SLC35D4: variants seen among roughly 807,000 people sequenced by gnomAD.
The protein encoded by SLC35D4 is UDP-N-acetylglucosamine transporter SLC35D4.
chr18:23,415,873 C>T, the SLC35D4 span, among the ~76,000 whole-genome samples: 1 of 152,082 alleles, frequency 6.6e-6, no homozygotes, highest in Non-Finnish European at 1.5e-5. Flanking sequence ...TATGTAGAGC[C>T]AATACTGGCA....
At chr18:23,292,431 G>A in the SLC35D4 span, among the ~76,000 whole-genome samples, 8 of 152,334 alleles carry the variant, frequency 5.3e-5, no homozygotes, top group South Asian at 1.2e-3. Context: ...ACCTGAGGGA[G>A]GAGGCTGGGG....
the SLC35D4 span, among the ~76,000 whole-genome samples, chr18:23,376,326 G>A: frequency 6.6e-6 from 1 of 152,204 alleles, no homozygotes; most frequent in African/African-American, 2.4e-5. Context: ...AGATGTCACT[G>A]TACCCAATGG....
At chr18:23,274,346 C>T in the SLC35D4 span, among the ~76,000 whole-genome samples, 1 of 152,190 alleles carries the variant, frequency 6.6e-6, no homozygotes, top group African/African-American at 2.4e-5. Context: ...GCTGTGGACT[C>T]CCTGATCGAG....
chr18:23,285,830 C>G, the SLC35D4 span, among the ~76,000 whole-genome samples: 875 of 152,282 alleles, frequency 5.7e-3, 4 homozygotes, highest in Middle Eastern at 0.014. Context: ...AGCCCTCCCC[C>G]ACCCGCCCAG....
chr18:23,299,493 A>C, the SLC35D4 span, among the ~76,000 whole-genome samples: 2 of 152,194 alleles, frequency 1.3e-5, no homozygotes, highest in Non-Finnish European at 2.9e-5. Context: ...CTCCATGGGC[A>C]TCTCACTTGT....
At chr18:23,337,222 C>T in the SLC35D4 span, among the ~76,000 whole-genome samples, 1 of 152,020 alleles carries the variant, frequency 6.6e-6, no homozygotes, top group Non-Finnish European at 1.5e-5. Flanking sequence ...GCCTGTAATC[C>T]CAGCACTTTG....
At chr18:23,293,628 A>G in the SLC35D4 span, among the ~76,000 whole-genome samples, 1 of 152,192 alleles carries the variant, frequency 6.6e-6, no homozygotes, top group Non-Finnish European at 1.5e-5. Context: ...CTCTATTTCA[A>G]GCTCAGTGGT....
chr18:23,289,493 T>C, the SLC35D4 span, among the ~76,000 whole-genome samples: 1 of 152,108 alleles, frequency 6.6e-6, no homozygotes, highest in South Asian at 2.1e-4. Flanking sequence ...CAGCTTAATC[T>C]CTCCCACTCT....
At chr18:23,395,866 C>T in the SLC35D4 span, among the ~76,000 whole-genome samples, 194 of 152,348 alleles carry the variant, frequency 1.3e-3, 1 homozygote, top group Non-Finnish European at 1.8e-3. Context: ...GTCCAACTCA[C>T]ACTTCATCAA....
the SLC35D4 span, among the ~76,000 whole-genome samples, chr18:23,427,170 G>T: frequency 3.9e-5 from 6 of 152,270 alleles, no homozygotes; most frequent in South Asian, 1.2e-3. Flanking sequence ...TGACAAATGG[G>T]ATCTGATTAA....
the SLC35D4 span, among the ~76,000 whole-genome samples, chr18:23,363,364 A>ATTTTTTTTTT: frequency 6.6e-5 from 6 of 90,460 alleles, no homozygotes; most frequent in African/African-American, 2.0e-4. Context: ...ACAAAAGCAC[A>ATTTTTTTTTT]TTTTTTTTTT....
the SLC35D4 span, among the ~76,000 whole-genome samples, chr18:23,369,262 A>C: frequency 6.6e-6 from 1 of 152,246 alleles, no homozygotes; most frequent in Non-Finnish European, 1.5e-5. Context: ...GAAGCCCCAC[A>C]TTCTCAGAGT....
At chr18:23,434,220 C>T in the SLC35D4 span, among the ~76,000 whole-genome samples, 1 of 152,162 alleles carries the variant, frequency 6.6e-6, no homozygotes, top group African/African-American at 2.4e-5. Flanking sequence ...CCTCCACTCT[C>T]GAGCTCACCT....
the SLC35D4 span, chr18:23,257,344 A>C: frequency 2.5e-6 from 4 of 1,610,834 alleles, no homozygotes; most frequent in South Asian, 1.1e-5. Context: ...GCCCCACTAC[A>C]GACGGCTGGT....
At chr18:23,345,026 T>A in the SLC35D4 span, among the ~76,000 whole-genome samples, 3 of 152,198 alleles carry the variant, frequency 2.0e-5, no homozygotes, top group Non-Finnish European at 2.9e-5. Context: ...CCCAAGGCCA[T>A]TAAGGCTTTT....
At chr18:23,333,384 C>T in the SLC35D4 span, among the ~76,000 whole-genome samples, 1 of 152,132 alleles carries the variant, frequency 6.6e-6, no homozygotes, top group African/African-American at 2.4e-5. Context: ...AAAGTGAACT[C>T]CTATTCTGAT....
chr18:23,382,643 AAAG>A, the SLC35D4 span, among the ~76,000 whole-genome samples: 2 of 152,254 alleles, frequency 1.3e-5, no homozygotes, highest in Non-Finnish European at 2.9e-5. Context: ...ATGTGAAAGA[AAAG>A]AAGCACATGT....
chr18:23,415,661 T>C, the SLC35D4 span, among the ~76,000 whole-genome samples: 260 of 152,364 alleles, frequency 1.7e-3, 4 homozygotes, highest in African/African-American at 5.8e-3. Flanking sequence ...GCAAAGGATT[T>C]CAGCATCTGC....
At chr18:23,249,217 C>T in the SLC35D4 span, among the ~76,000 whole-genome samples, 16 of 152,342 alleles carry the variant, frequency 1.1e-4, no homozygotes, top group African/African-American at 3.6e-4. Flanking sequence ...TTTTTGGAAT[C>T]CTAGCTGCAA....
Sources: gnomAD v4.1 joint callset for allele counts (sites outside exome capture counted in the v4.1 genomes callset) on GRCh38, gnomAD v4.1.1 for gene constraint, MANE v1.5 for transcripts, NCBI Gene and HGNC (gene_info 2026-07-23, HGNC 2026-07-21) for gene names.